The following LRRC7 variants were observed in gnomAD, a reference collection of about 807,000 sequenced individuals.
LRRC7 encodes the protein leucine-rich repeat-containing protein 7.
In LRRC7, 23 loss-of-function variants were observed where a neutral mutation model predicts 175.7. The observed-to-expected ratio is 0.13, with a 90% CI of 0.09 to 0.19. The LOEUF (loss-of-function observed/expected upper bound fraction) is 0.19. Ranked by LOEUF, LRRC7 falls within the 10% of genes least tolerant of loss-of-function variation. LRRC7 has a pLI of 1.00. For missense variants in LRRC7, 1,354 were observed against 1,904.7 expected (o/e 0.71, Z 5.38); for synonymous variants, 685 against 680.9 (o/e 1.01, Z -0.09).
At chr1:69,782,654 C>T (rs1001808611) in intron 3 of LRRC7, among the ~76,000 whole-genome samples, 5 of 151,974 alleles carry the variant, frequency 3.3e-5, no homozygotes, top group African/African-American at 9.7e-5. Flanking sequence ...ATTGGAGAGG[C>T]GAAGAGCCTT....
chr1:69,920,137 G>A, intron 7 of LRRC7: 1 of 201,076 alleles, frequency 5.0e-6, no homozygotes, highest in Non-Finnish European at 1.0e-5. Flanking sequence ...GAGAAGATCT[G>A]GTCAGCAGAG....
chr1:69,672,792 C>A (rs1188948396), intron 1 of LRRC7, among the ~76,000 whole-genome samples: 2 of 152,094 alleles, frequency 1.3e-5, no homozygotes, highest in African/African-American at 4.8e-5. Context: ...AAACATATTC[C>A]CTGATCCAAC....
chr1:69,919,499 G>C, intron 7 of LRRC7: 8 of 878,822 alleles, frequency 9.1e-6, no homozygotes, highest in Non-Finnish European at 1.5e-5. Context: ...GGCAAAATCT[G>C]GCAGGGGGAG....
chr1:69,930,860 CTTT>C lies in LRRC7; in HGVS notation c.648-646_648-644del, dbSNP rs1372266846. Among the ~76,000 whole-genome samples, 1,230 of 152,242 alleles carry C rather than the reference CTTT, an allele frequency of 8.1e-3. 14 individuals carry two copies. Among genetic ancestry groups the C allele is most frequent in the African/African-American group, 0.027 (1,127 of 41,552 alleles). On this transcript the variant is annotated intron_variant, in intron 7 of 26. Transcript: ENST00000651989. Reference sequence around the variant, plus strand: ...CCTTCAGATCTCATGAGAATTCTCACTTTCATGAGAACAGCATAGGAGAAACCA... The same window carrying C: ...CCTTCAGATCTCATGAGAATTCTCACCATGAGAACAGCATAGGAGAAACCA...
intron 2 of LRRC7, among the ~76,000 whole-genome samples, chr1:69,746,254 C>A (rs890435774): frequency 2.0e-5 from 3 of 151,866 alleles, no homozygotes; most frequent in Non-Finnish European, 2.9e-5. Context: ...CACAGGATGT[C>A]CATCATATCC....
At position 70,127,937 on chromosome 1, in the gene LRRC7, A is replaced by C. The variant is rs1012328370; in HGVS notation, c.*6050A>C. ...TTTTCTCTTCTCCTTTTTTGAAAAA[A>C]AGACTTTTATGTGACTTTTTCTTTT... On this transcript the variant is annotated 3_prime_UTR_variant, in exon 27 of 27. Transcript: ENST00000651989. 6.6e-6 allele frequency among the ~76,000 whole-genome samples: 1 copy of C among 152,014 alleles called. No homozygotes were observed. The highest frequency in any genetic ancestry group is 1.5e-5 in the Non-Finnish European group (1 of 67,964).
chr1:70,039,670 A>G lies in LRRC7; in HGVS notation c.3846A>G (p.Pro1282=), dbSNP rs1247970203. 1.2e-6 allele frequency: 2 copies of G among 1,614,036 alleles called. No individual in the cohort carries two copies. The highest frequency in any genetic ancestry group is 2.2e-5 in the East Asian group (1 of 44,866). ...DYNLGNYGDK[P]SDNSDLKTRP... is the part of the protein sequence containing the mutation. ...ACTTGGGTAACTATGGTGACAAGCC[A>G]TCAGATAACAGTGATTTAAAGACGA... The change falls in exon 21 of 27, where the codon CCA becomes CCG. Residue 1282 remains proline, a synonymous_variant. Coordinates refer to ENST00000651989, the MANE Select transcript of LRRC7 (RefSeq NM_001370785.2).
chr1:70,142,352 T>C lies in LRRC7; in HGVS notation c.*20465T>C, dbSNP rs981005276. 1 of 152,128 alleles carries C rather than the reference T, an allele frequency of 6.6e-6. No homozygotes were observed. Among genetic ancestry groups the C allele is most frequent in the Non-Finnish European group, 1.5e-5 (1 of 67,980 alleles). 9.4% of individuals were successfully genotyped at this position (152,128 alleles called of 1,614,324 possible). Reference sequence around the variant, plus strand: ...TGGAATGCAATGAATGCTTAATACTTCGGCTTTATAATGTTTGGGCATTTC... The same window carrying C: ...TGGAATGCAATGAATGCTTAATACTCCGGCTTTATAATGTTTGGGCATTTC... On this transcript the variant is annotated 3_prime_UTR_variant, in exon 27 of 27. Transcript: ENST00000651989.
chr1:69,617,622 A>C (rs767770519), intron 1 of LRRC7, among the ~76,000 whole-genome samples: 1 of 150,046 alleles, frequency 6.7e-6, no homozygotes, highest in African/African-American at 2.4e-5. Flanking sequence ...AAGTGGAGGA[A>C]ATGATTTTGT....
At chr1:69,695,017 T>C (rs1662391128) in intron 2 of LRRC7, among the ~76,000 whole-genome samples, 1 of 152,130 alleles carries the variant, frequency 6.6e-6, no homozygotes, top group African/African-American at 2.4e-5. Flanking sequence ...AACTGGATAA[T>C]AGGCAGAGGT....
chr1:69,578,585 A>T (rs2100906224), intron 1 of LRRC7, among the ~76,000 whole-genome samples: 1 of 151,166 alleles, frequency 6.6e-6, no homozygotes, highest in Non-Finnish European at 1.5e-5. Context: ...AATGTGGCAC[A>T]TATACACCAT....
chr1:69,917,180 T>C (rs937415476), intron 7 of LRRC7, among the ~76,000 whole-genome samples: 2 of 152,330 alleles, frequency 1.3e-5, no homozygotes, highest in African/African-American at 4.8e-5. Context: ...ATCAGCAAGA[T>C]ATTTGGTTCA....
In LRRC7 at chr1:70,136,261, C is replaced by T. The variant is rs770532519; in HGVS notation, c.*14374C>T. 2.0e-5 allele frequency among the ~76,000 whole-genome samples: 3 copies of T among 151,866 alleles called. No individual in the cohort carries two copies. The highest frequency in any genetic ancestry group is 2.9e-5 in the Non-Finnish European group (2 of 67,978). On this transcript the variant is annotated 3_prime_UTR_variant, in exon 27 of 27. Transcript: ENST00000651989. ...GCTTGGTCTTGCCATAAATATGCCC[C>T]GCAGGTTCACCTATACCCCAAAATA... is the stretch of plus-strand genomic sequence containing the variant.
intron 1 of LRRC7, among the ~76,000 whole-genome samples, chr1:69,619,725 G>A (rs111934324): frequency 3.9e-5 from 6 of 152,118 alleles, no homozygotes; most frequent in Middle Eastern, 3.4e-3. Flanking sequence ...AACTTTTATC[G>A]GCCATCAGAA....
chr1:69,641,661 G>A (rs567509821), intron 1 of LRRC7, among the ~76,000 whole-genome samples: 65 of 151,058 alleles, frequency 4.3e-4, no homozygotes, highest in Admixed American at 1.5e-3. Context: ...CTTGCTTTTC[G>A]GGCAAAAGAG....
rs1483999821 is a variant in LRRC7 at position 70,131,009 on chromosome 1, C to A, written c.*9122C>A. Among the ~76,000 whole-genome samples, 1 of 152,082 alleles carries A rather than the reference C, an allele frequency of 6.6e-6. No individual in the cohort carries two copies. The highest frequency in any genetic ancestry group is 2.4e-5 in the African/African-American group (1 of 41,404). ...TTTGGCATCATTTCATGAATAGATC[C>A]CACCCCCTATATCCCTAAAGTGAAG... On this transcript the variant is annotated 3_prime_UTR_variant, in exon 27 of 27. Transcript: ENST00000651989.
At chr1:70,005,579 A>G (rs557653047) in intron 11 of LRRC7, among the ~76,000 whole-genome samples, 4 of 152,338 alleles carry the variant, frequency 2.6e-5, no homozygotes, top group African/African-American at 9.6e-5. Flanking sequence ...GATTTCAAAC[A>G]TTATTACTCC....
intron 1 of LRRC7, among the ~76,000 whole-genome samples, chr1:69,635,114 TC>T (rs1184014779): frequency 6.6e-6 from 1 of 152,042 alleles, no homozygotes; most frequent in Non-Finnish European, 1.5e-5. Flanking sequence ...CAGCGTTTGT[TC>T]CCCTCTATGT....
intron 3 of LRRC7, among the ~76,000 whole-genome samples, chr1:69,786,294 T>C (rs1054359310): frequency 6.6e-6 from 1 of 152,132 alleles, no homozygotes; most frequent in African/African-American, 2.4e-5. Context: ...AGCTCAGTCT[T>C]GTGGTTGGCA....
Sources: allele counts gnomAD v4.1 joint callset (sites outside exome capture counted in the v4.1 genomes callset), GRCh38; gene constraint gnomAD v4.1.1; transcripts MANE v1.5; gene names NCBI Gene and HGNC (gene_info 2026-07-23, HGNC 2026-07-21).